Variants in PALM observed in about 807,000 individuals in gnomAD.
The protein encoded by PALM is paralemmin, also known as paralemmin-1.
In PALM, 18 loss-of-function variants were observed where a neutral mutation model predicts 30.7. The ratio of observed to expected loss-of-function variants is 0.59; its 90% CI spans 0.41 to 0.87. The LOEUF is 0.87. Ranked by LOEUF, PALM falls within the 40% of genes least tolerant of loss-of-function variation. PALM has a pLI of 0.00. For missense variants in PALM, 529 were observed against 555.4 expected (o/e 0.95, Z 0.48); for synonymous variants, 286 against 242.8 (o/e 1.18, Z -1.66).
At chr19:727,429 A>G in intron 3 of PALM, 135 bp from the exon 4 acceptor site, 2 of 697,806 alleles carry the variant, frequency 2.9e-6, no homozygotes. Context: ...CTCAGCACTG[A>G]TCCCAACCAT....
intron 4 of PALM, among the ~76,000 whole-genome samples, chr19:728,375 A>T (rs1599151316): frequency 6.6e-6 from 1 of 152,330 alleles, no homozygotes; most frequent in Non-Finnish European, 1.5e-5. Flanking sequence ...CGGCCGGATC[A>T]CACGGACCTC....
intron 4 of PALM, among the ~76,000 whole-genome samples, chr19:728,386 G>T (rs1003800193): frequency 6.6e-6 from 1 of 152,214 alleles, no homozygotes; most frequent in Non-Finnish European, 1.5e-5. Flanking sequence ...CACGGACCTC[G>T]CAGGCCCTTC....
intron 2 of PALM, 23 bp from the exon 3 acceptor site, chr19:726,985 A>ACCCCCCCCCCCCCC: frequency 5.3e-6 from 5 of 945,366 alleles, no homozygotes; most frequent in Non-Finnish European, 8.1e-6. Context: ...CCCATCCCTG[A>ACCCCCCCCCCCCCC]CCCCACCCGG....
chr19:726,410 C>T (rs149139843), intron 2 of PALM, among the ~76,000 whole-genome samples: 15 of 152,242 alleles, frequency 9.9e-5, no homozygotes, highest in Middle Eastern at 3.4e-3. Context: ...CCTGATGGGT[C>T]GGTGGGGAAA....
At chr19:726,782 C>T (rs763073065) in intron 2 of PALM, among the ~76,000 whole-genome samples, 3 of 152,212 alleles carry the variant, frequency 2.0e-5, no homozygotes, top group Non-Finnish European at 4.4e-5. Flanking sequence ...GGATTACAGG[C>T]GTGAGCCACC....
Position 727,421 on chromosome 19 carries a change from C to T in PALM, c.139-143C>T, listed in dbSNP as rs546527012. On this transcript the variant is annotated intron_variant, in intron 3 of 8. Coordinates refer to ENST00000338448, the MANE Select transcript of PALM (RefSeq NM_002579.3). ...CCAACCTCGATTGTGATTCTGACCT[C>T]AGCACTGATCCCAACCATAACCCTG... 15 of 675,456 alleles carry T rather than the reference C, an allele frequency of 2.2e-5. 1 individual carries two copies. In the South Asian group the frequency reaches 2.6e-4, roughly 12 times the overall value. The allele number at this position is 675,456 out of a possible 1,614,324, so 41.8% of individuals were successfully genotyped here. A position where few individuals can be genotyped will look rare whatever the true frequency, so the allele number is the denominator to read the frequency against.
In PALM at chr19:746,310, C is replaced by A. The variant is rs150589646; in HGVS notation, c.660C>A (p.Ala220=). ...TKVVHAVDGT[A]ENGIHPLSSS... is the part of the protein sequence containing the mutation. The stretch of plus-strand genomic sequence containing the variant: ...TGGTCCATGCTGTGGACGGCACCGC[C>A]GAGAACGGGATCCACCCCCTGAGCT... The change falls in exon 9 of 9, where the codon GCC becomes GCA. Residue 220 remains alanine (A), a synonymous_variant. Coordinates refer to ENST00000338448, the MANE Select transcript of PALM (RefSeq NM_002579.3). This position sits in a 1 kb window ranked among gnomAD's most constrained non-coding sequence, Gnocchi z 7.1. The A allele has an allele frequency of 8.8e-4, 1,412 of 1,613,602 alleles. 32 individuals are homozygous for A. The East Asian group carries it at 0.031, about 35-fold the overall frequency.
intron 1 of PALM, among the ~76,000 whole-genome samples, chr19:714,937 G>T (rs904707566): frequency 2.0e-5 from 3 of 152,176 alleles, no homozygotes; most frequent in Non-Finnish European, 4.4e-5. Flanking sequence ...GTACACACAT[G>T]TGAGCCACTG....
At chr19:727,356 A>G (rs956472087) in intron 3 of PALM, among the ~76,000 whole-genome samples, 1 of 147,896 alleles carries the variant, frequency 6.8e-6, no homozygotes, top group African/African-American at 2.5e-5. Flanking sequence ...CCCAACCTCA[A>G]TCCTGACCCT....
chr19:713,058 A>G (rs905533786), intron 1 of PALM, among the ~76,000 whole-genome samples: 8 of 152,204 alleles, frequency 5.3e-5, no homozygotes, highest in African/African-American at 1.7e-4. Context: ...AAGGACACAC[A>G]GCTGCAGAGG....
At chr19:726,906 G>T (rs2032681633) in intron 2 of PALM, 102 bp from the exon 3 acceptor site, 1 of 735,958 alleles carries the variant, frequency 1.4e-6, no homozygotes, top group Non-Finnish European at 2.3e-6. Context: ...AGGATCCCCG[G>T]ACAGAGGAAG....
At chr19:717,401 T>C (rs2032301705) in intron 1 of PALM, among the ~76,000 whole-genome samples, 1 of 152,068 alleles carries the variant, frequency 6.6e-6, no homozygotes, top group Non-Finnish European at 1.5e-5. Flanking sequence ...GATCACACGC[T>C]GCGTGGCCTT....
At chr19:739,910 TCCA>T in intron 7 of PALM, among the ~76,000 whole-genome samples, 1 of 151,740 alleles carries the variant, frequency 6.6e-6, no homozygotes, top group Non-Finnish European at 1.5e-5. Flanking sequence ...GGGAGGTGAG[TCCA>T]GATCACACCA....
At chr19:728,280 G>A (rs1166178870) in intron 4 of PALM, among the ~76,000 whole-genome samples, 1 of 152,230 alleles carries the variant, frequency 6.6e-6, no homozygotes, top group Non-Finnish European at 1.5e-5. Context: ...TGTGCTCGGG[G>A]GCAGCAGGGT....
intron 1 of PALM, among the ~76,000 whole-genome samples, chr19:720,412 GGGC>G (rs2032430517): frequency 6.8e-6 from 1 of 147,728 alleles, no homozygotes; most frequent in Non-Finnish European, 1.5e-5. Context: ...GTCTGGGGAG[GGGC>G]GAGGGGGGCG....
At chr19:716,892 T>TA (rs1379726279) in intron 1 of PALM, among the ~76,000 whole-genome samples, 2 of 152,128 alleles carry the variant, frequency 1.3e-5, no homozygotes, top group African/African-American at 2.4e-5. Flanking sequence ...TCTGGCTGCT[T>TA]AAAGTGTACA....
At chr19:716,921 C>T (rs1270569259) in intron 1 of PALM, among the ~76,000 whole-genome samples, 1 of 151,950 alleles carries the variant, frequency 6.6e-6, no homozygotes, top group Non-Finnish European at 1.5e-5. Context: ...GTTTTTAGTA[C>T]ACTGACAGGG....
At chr19:710,157 C>T (rs1403360310) in intron 1 of PALM, among the ~76,000 whole-genome samples, 2 of 152,092 alleles carry the variant, frequency 1.3e-5, no homozygotes, top group African/African-American at 4.8e-5. Flanking sequence ...ATCTGGAGGC[C>T]GCCTGTGGCC....
chr19:713,259 C>T (rs1476914347), intron 1 of PALM, among the ~76,000 whole-genome samples: 1 of 152,034 alleles, frequency 6.6e-6, no homozygotes, highest in Admixed American at 6.6e-5. Context: ...GTGGCCTTGT[C>T]GGTGGTCTTG....
Sources: allele counts gnomAD v4.1 joint callset (sites outside exome capture counted in the v4.1 genomes callset), GRCh38; gene constraint gnomAD v4.1.1; non-coding constraint Gnocchi (gnomAD v3.1); transcripts MANE v1.5; gene names NCBI Gene and HGNC (gene_info 2026-07-23, HGNC 2026-07-21).